TBC1D19: variants seen among roughly 807,000 people sequenced by gnomAD.
TBC1D19 encodes TBC1 domain family member 19.
A neutral mutation model predicts 89.0 loss-of-function variants in TBC1D19; 60 were observed. That is an observed-to-expected ratio of 0.67 (90% CI 0.55 to 0.84). The LOEUF (loss-of-function observed/expected upper bound fraction) is 0.84, where lower values mean the gene tolerates loss of function less well. Among genes scored for constraint, TBC1D19 ranks in the 40% least tolerant of loss-of-function variants. The pLI, the probability that TBC1D19 is intolerant of heterozygous loss-of-function variation, is 0.00. For missense variants in TBC1D19, 500 were observed against 610.8 expected (o/e 0.82, Z 1.91); for synonymous variants, 189 against 199.7 (o/e 0.95, Z 0.45).
At chr4:26,698,216 TAGC>T (rs1286810479) in intron 13 of TBC1D19, among the ~76,000 whole-genome samples, 2 of 152,156 alleles carry the variant, frequency 1.3e-5, no homozygotes, top group East Asian at 3.9e-4. Context: ...TATTCATCAA[TAGC>T]AGACAAACAG....
At chr4:26,671,790 A>G (rs565208223) in intron 9 of TBC1D19, among the ~76,000 whole-genome samples, 29 of 151,938 alleles carry the variant, frequency 1.9e-4, no homozygotes, top group African/African-American at 6.3e-4. Context: ...ACATTTTTGT[A>G]TTATGAGAAG....
At chr4:26,719,521 A>T (rs530037300) in intron 14 of TBC1D19, among the ~76,000 whole-genome samples, 1 of 152,224 alleles carries the variant, frequency 6.6e-6, no homozygotes, top group African/African-American at 2.4e-5. Context: ...TAAAGGAAAG[A>T]TACTTTTTAA....
At chr4:26,653,502 G>T (rs901861067) in intron 7 of TBC1D19, among the ~76,000 whole-genome samples, 13 of 152,142 alleles carry the variant, frequency 8.5e-5, no homozygotes, top group African/African-American at 2.9e-4. Flanking sequence ...TATTGTGTGG[G>T]AGTCTAAGTC....
At chr4:26,649,624 A>T (rs569548153) in intron 7 of TBC1D19, among the ~76,000 whole-genome samples, 1 of 152,102 alleles carries the variant, frequency 6.6e-6, no homozygotes, top group East Asian at 1.9e-4. Flanking sequence ...ACATATGTTT[A>T]TTGTATAACC....
chr4:26,764,023 C>T, the TBC1D19 span, among the ~76,000 whole-genome samples: 3 of 152,300 alleles, frequency 2.0e-5, no homozygotes, highest in African/African-American at 7.2e-5. Flanking sequence ...AATTTTGCTT[C>T]TTTCAAATAT....
the TBC1D19 span, among the ~76,000 whole-genome samples, chr4:26,780,297 G>A: frequency 2.6e-4 from 39 of 152,288 alleles, no homozygotes; most frequent in African/African-American, 9.4e-4. Context: ...AGTTAACAAG[G>A]CATCTTACCA....
the TBC1D19 span, among the ~76,000 whole-genome samples, chr4:26,837,393 G>A: frequency 6.6e-6 from 1 of 152,170 alleles, no homozygotes; most frequent in Non-Finnish European, 1.5e-5. Flanking sequence ...GCACTGGTTG[G>A]ATGAGATGAA....
chr4:26,698,927 C>T, intron 13 of TBC1D19, among the ~76,000 whole-genome samples: 1 of 152,202 alleles, frequency 6.6e-6, no homozygotes, highest in Non-Finnish European at 1.5e-5. Context: ...AAAACCTAGA[C>T]AATACCATTC....
chr4:26,729,331 T>A (rs1419493124), intron 15 of TBC1D19, among the ~76,000 whole-genome samples: 2 of 152,228 alleles, frequency 1.3e-5, no homozygotes, highest in Non-Finnish European at 2.9e-5. Flanking sequence ...CTCTTCATTC[T>A]GCAAAGATGT....
chr4:26,626,928 G>A (rs1203039119), intron 4 of TBC1D19, among the ~76,000 whole-genome samples: 1 of 147,646 alleles, frequency 6.8e-6, no homozygotes, highest in South Asian at 2.1e-4. Flanking sequence ...CAGGGTACAT[G>A]TGCACAATGT....
chr4:26,716,824 T>A (rs1372784393), intron 13 of TBC1D19, among the ~76,000 whole-genome samples: 1 of 151,956 alleles, frequency 6.6e-6, no homozygotes, highest in African/African-American at 2.4e-5. Flanking sequence ...CTTTTTTTTT[T>A]AAACAGAGAT....
chr4:26,793,234 G>T, the TBC1D19 span, among the ~76,000 whole-genome samples: 1 of 152,122 alleles, frequency 6.6e-6, no homozygotes, highest in African/African-American at 2.4e-5. Context: ...GTCCTTCTCG[G>T]CCAGGAGACC....
intron 7 of TBC1D19, among the ~76,000 whole-genome samples, chr4:26,652,353 T>A (rs1744455478): frequency 6.6e-6 from 1 of 152,148 alleles, no homozygotes. Context: ...TGGACTTTTT[T>A]TTGGTTGGTA....
chr4:26,812,363 C>G, the TBC1D19 span, among the ~76,000 whole-genome samples: 1 of 152,166 alleles, frequency 6.6e-6, no homozygotes, highest in African/African-American at 2.4e-5. The surrounding 1 kb of genome is among the most constrained non-coding windows in gnomAD (Gnocchi z 4.2). Context: ...GTTTTCAGAG[C>G]TTTGGAGACC....
chr4:26,847,039 C>G, the TBC1D19 span, among the ~76,000 whole-genome samples: 1 of 152,162 alleles, frequency 6.6e-6, no homozygotes. Flanking sequence ...ACCCATACAC[C>G]CATATGTGAA....
chr4:26,576,846 T>G (rs1308195381), intron 1 of TBC1D19: 1 of 456,098 alleles, frequency 2.2e-6, no homozygotes, highest in Non-Finnish European at 4.4e-6. Context: ...GGCTATGTCA[T>G]GAACCTGTTG....
At chr4:26,827,952 T>A in the TBC1D19 span, among the ~76,000 whole-genome samples, 1 of 152,126 alleles carries the variant, frequency 6.6e-6, no homozygotes, top group South Asian at 2.1e-4. Context: ...ATACTTAAAA[T>A]AGCTTTGAAA....
chr4:26,732,470 G>A (rs772535255), intron 15 of TBC1D19, among the ~76,000 whole-genome samples: 2 of 152,142 alleles, frequency 1.3e-5, no homozygotes, highest in African/African-American at 2.4e-5. Context: ...TCAAATGGCA[G>A]CTACAGTTCT....
At chr4:26,760,034 A>G (rs1050500902), downstream of TBC1D19, among the ~76,000 whole-genome samples, 1 of 152,200 alleles carries the variant, frequency 6.6e-6, no homozygotes, top group African/African-American at 2.4e-5. Flanking sequence ...GAGGCCTCCA[A>G]ACTCTTCTGA....
Sources: gnomAD v4.1 joint callset for allele counts (sites outside exome capture counted in the v4.1 genomes callset) on GRCh38, gnomAD v4.1.1 for gene constraint, Gnocchi (gnomAD v3.1) non-coding constraint, MANE v1.5 for transcripts, NCBI Gene and HGNC (gene_info 2026-07-23, HGNC 2026-07-21) for gene names.